SPATA13: variants seen among roughly 807,000 people sequenced by gnomAD.
The protein encoded by SPATA13 is spermatogenesis associated 13.
In SPATA13, 50 loss-of-function variants were observed where a neutral mutation model predicts 104.0. The observed-to-expected ratio is 0.48, with a 90% CI of 0.38 to 0.61. The LOEUF is 0.61. Ranked by LOEUF, SPATA13 falls within the 20% of genes least tolerant of loss-of-function variation. SPATA13 has a pLI of 0.00. For missense variants in SPATA13, 1,524 were observed against 1,690.6 expected, an observed-to-expected ratio of 0.90 and a Z score of 1.73; for synonymous variants, 606 against 667.5, an observed-to-expected ratio of 0.91 and a Z score of 1.42.
chr13:24,178,742 A>G (rs1406126409), intron 1 of SPATA13, among the ~76,000 whole-genome samples: 1 of 152,204 alleles, frequency 6.6e-6, no homozygotes, highest in Non-Finnish European at 1.5e-5. Flanking sequence ...CAGCACAGCA[A>G]CTGGCCTCTT....
intron 2 of SPATA13, among the ~76,000 whole-genome samples, chr13:24,235,054 G>A (rs1308633117): frequency 1.3e-5 from 2 of 152,118 alleles, no homozygotes. Context: ...TGGTAAATCG[G>A]GTTAATAGTA....
intron 3 of SPATA13, among the ~76,000 whole-genome samples, chr13:24,082,252 T>C (rs971175616): frequency 7.9e-5 from 12 of 152,214 alleles, no homozygotes; most frequent in African/African-American, 2.9e-4. Flanking sequence ...TACTCTCTCA[T>C]AAGCACGTAA....
intron 3 of SPATA13, among the ~76,000 whole-genome samples, chr13:24,019,090 A>AT (rs776200644): frequency 7.2e-6 from 1 of 138,380 alleles, no homozygotes. Context: ...TATTATTATT[A>AT]TTATTTTTTT....
chr13:23,997,511 A>T (rs2765165), intron 2 of SPATA13, among the ~76,000 whole-genome samples: 117,003 of 152,160 alleles, frequency 0.77, 45,193 homozygotes, highest in African/African-American at 0.81. Context: ...TCACTAGTTC[A>T]TGGCTTTTCA....
intron 4 of SPATA13, among the ~76,000 whole-genome samples, chr13:24,265,839 G>A (rs540197067): frequency 6.6e-6 from 1 of 152,202 alleles, no homozygotes; most frequent in South Asian, 2.1e-4. Context: ...CCTGGGTTCT[G>A]GATATGTCTG....
At chr13:24,298,093 A>G (rs557060975) in intron 11 of SPATA13, among the ~76,000 whole-genome samples, 1 of 152,344 alleles carries the variant, frequency 6.6e-6, no homozygotes, top group South Asian at 2.1e-4. Context: ...CACTGTGGCC[A>G]CATAACATTT....
intron 1 of SPATA13, among the ~76,000 whole-genome samples, chr13:23,980,576 C>T (rs1029024005): frequency 1.3e-5 from 2 of 152,180 alleles, no homozygotes; most frequent in African/African-American, 4.8e-5. Context: ...GAATAGTACT[C>T]CTACTTAACG....
chr13:24,084,817 T>G (rs2137782901), intron 3 of SPATA13, among the ~76,000 whole-genome samples: 1 of 152,218 alleles, frequency 6.6e-6, no homozygotes, highest in Non-Finnish European at 1.5e-5. Flanking sequence ...AGCCCAGAAG[T>G]TCGAGACCAG....
intron 2 of SPATA13, among the ~76,000 whole-genome samples, chr13:24,014,879 ATTTTTTTTTTTT>A (rs10566756): frequency 1.8e-4 from 14 of 78,698 alleles, no homozygotes; most frequent in Admixed American, 3.5e-4. Flanking sequence ...CACTTTCTGG[ATTTTTTTTTTTT>A]TTTTTTTTTT....
Position 24,214,896 on chromosome 13 carries a change from C to T in SPATA13, c.-111-7923C>T, listed in dbSNP as rs111976455. ...TAAACTCAGCTGGTTTTGAACTTCT[C>T]GCAAAAGTCAGAATATAGTACTTGC... On this transcript the variant is annotated intron_variant, in intron 1 of 12. Coordinates refer to ENST00000382108, the MANE Select transcript of SPATA13 (RefSeq NM_001166271.3). 1.0e-3 allele frequency among the ~76,000 whole-genome samples: 157 copies of T among 152,314 alleles called. 2 individuals are homozygous for T. Among genetic ancestry groups the T allele is most frequent in the Middle Eastern group, 0.01 (3 of 294 alleles).
At chr13:24,101,104 AG>A (rs1335176393) in intron 3 of SPATA13, among the ~76,000 whole-genome samples, 1 of 152,148 alleles carries the variant, frequency 6.6e-6, no homozygotes, top group African/African-American at 2.4e-5. Flanking sequence ...GTGCAGGGGA[AG>A]CTGTGCTGTA....
chr13:24,016,125 G>A (rs1001675856), intron 2 of SPATA13, among the ~76,000 whole-genome samples: 1 of 152,174 alleles, frequency 6.6e-6, no homozygotes, highest in Non-Finnish European at 1.5e-5. Flanking sequence ...GGGACTCTGC[G>A]TATGTCTTTC....
chr13:24,006,652 G>T (rs1023451047), intron 2 of SPATA13, among the ~76,000 whole-genome samples: 11 of 152,316 alleles, frequency 7.2e-5, no homozygotes, highest in African/African-American at 2.6e-4. Context: ...CACCACAGTT[G>T]TCTTAGGGGC....
chr13:24,143,475 TA>T (rs1881828783), intron 3 of SPATA13, among the ~76,000 whole-genome samples: 1 of 152,244 alleles, frequency 6.6e-6, no homozygotes, highest in East Asian at 1.9e-4. Context: ...TATGTTCTTT[TA>T]TATTTTGGAT....
In SPATA13 at chr13:24,205,295, C is replaced by A. The variant is rs1870641407; in HGVS notation, c.-111-17524C>A. 6.6e-6 allele frequency among the ~76,000 whole-genome samples: 1 copy of A among 152,112 alleles called. No individual in the cohort carries two copies. The highest frequency in any genetic ancestry group is 2.4e-5 in the African/African-American group (1 of 41,418). ...AATTGCTAGCATTCCTGTATACCAA[C>A]AGTGGGCAAGCAGAAAGCCAAGCCA... On this transcript the variant is annotated intron_variant, in intron 1 of 12. Coordinates refer to ENST00000382108, the MANE Select transcript of SPATA13 (RefSeq NM_001166271.3). The surrounding 1 kb of genome is among the most constrained non-coding windows in gnomAD (Gnocchi z 4.1).
chr13:24,076,936 C>A (rs148272687), intron 3 of SPATA13, among the ~76,000 whole-genome samples: 1 of 151,986 alleles, frequency 6.6e-6, no homozygotes, highest in Admixed American at 6.6e-5. Flanking sequence ...TCTTCAACCT[C>A]GCCTTATTCC....
intron 3 of SPATA13, among the ~76,000 whole-genome samples, chr13:24,043,441 A>G (rs1383260792): frequency 1.3e-5 from 2 of 152,052 alleles, no homozygotes; most frequent in Non-Finnish European, 2.9e-5. Flanking sequence ...GAACACTGAG[A>G]ACATTGCACC....
intron 3 of SPATA13, among the ~76,000 whole-genome samples, chr13:24,029,813 C>T (rs1877394455): frequency 6.6e-6 from 1 of 151,944 alleles, no homozygotes; most frequent in African/African-American, 2.4e-5. Context: ...GTGTGTTGTT[C>T]CCCTCTAGGT....
intron 1 of SPATA13, among the ~76,000 whole-genome samples, chr13:24,203,184 G>C (rs1870521914): frequency 6.6e-6 from 1 of 151,070 alleles, no homozygotes; most frequent in Admixed American, 6.6e-5. Flanking sequence ...CATGTGAAAT[G>C]ATGGGATTTT....
Sources: gnomAD v4.1 joint callset for allele counts (sites outside exome capture counted in the v4.1 genomes callset) on GRCh38, gnomAD v4.1.1 for gene constraint, Gnocchi (gnomAD v3.1) non-coding constraint, MANE v1.5 for transcripts, NCBI Gene and HGNC (gene_info 2026-07-23, HGNC 2026-07-21) for gene names.